The following CA8 variants were observed in gnomAD, a reference collection of about 807,000 sequenced individuals.
CA8 encodes carbonic anhydrase 8 (inactive).
In CA8, 22 loss-of-function variants were observed where a neutral mutation model predicts 41.4. The observed-to-expected ratio is 0.53, with a 90% CI of 0.38 to 0.76. The LOEUF (loss-of-function observed/expected upper bound fraction) is 0.76. CA8 is among the 30% of genes least tolerant of loss of function. The probability of loss-of-function intolerance (pLI) is 0.00; values close to 1 mark genes in which losing one functional copy is unlikely to be tolerated. For missense variants in CA8, 270 were observed against 352.8 expected, an observed-to-expected ratio of 0.77 and a Z score of 1.88; for synonymous variants, 121 against 130.6, an observed-to-expected ratio of 0.93 and a Z score of 0.50.
intron 2 of CA8, among the ~76,000 whole-genome samples, chr8:60,275,566 A>C (rs1804205860): frequency 6.6e-6 from 1 of 152,166 alleles, no homozygotes. Flanking sequence ...TAAACGATTA[A>C]AAATTGAGGA....
chr8:60,219,120 T>A (rs1190413004), intron 7 of CA8, among the ~76,000 whole-genome samples: 1 of 151,916 alleles, frequency 6.6e-6, no homozygotes, highest in African/African-American at 2.4e-5. Flanking sequence ...CTCTTCTCTG[T>A]ACATATTCTT....
intron 3 of CA8, among the ~76,000 whole-genome samples, chr8:60,239,493 A>G (rs1807943035): frequency 6.6e-6 from 1 of 152,234 alleles, no homozygotes; most frequent in South Asian, 2.1e-4. Context: ...GCTGATGAGA[A>G]AAAAACAATT....
At chr8:60,194,307 A>G (rs958446665) in intron 8 of CA8, among the ~76,000 whole-genome samples, 8 of 152,146 alleles carry the variant, frequency 5.3e-5, no homozygotes, top group Non-Finnish European at 1.0e-4. Context: ...CAACCACTAC[A>G]ACAAAACCAG....
At chr8:60,209,590 A>T (rs534282007) in intron 7 of CA8, among the ~76,000 whole-genome samples, 2 of 152,212 alleles carry the variant, frequency 1.3e-5, no homozygotes, top group Non-Finnish European at 2.9e-5. Context: ...TTCCAAGTAC[A>T]TTTTAATTAA....
chr8:60,186,415 ATAAT>A lies in CA8; in HGVS notation c.*3602_*3605del, dbSNP rs1231682116. ...AAATATACTCAAAAAAATGAAAAAA[ATAAT>A]TAAAGCAATTGAAATATACTAGAAA... On this transcript the variant is annotated 3_prime_UTR_variant, in exon 9 of 9. Coordinates refer to ENST00000317995, the MANE Select transcript of CA8 (RefSeq NM_004056.6). Among the ~76,000 whole-genome samples, 1 of 151,986 alleles carries A rather than the reference ATAAT, an allele frequency of 6.6e-6. No individual in the cohort carries two copies. The highest frequency in any genetic ancestry group is 2.4e-5 in the African/African-American group (1 of 41,458).
intron 7 of CA8, among the ~76,000 whole-genome samples, chr8:60,214,652 A>G (rs1035919384): frequency 6.6e-6 from 1 of 152,120 alleles, no homozygotes; most frequent in African/African-American, 2.4e-5. Flanking sequence ...GACTTCCTCA[A>G]TTGTCCAGGG....
chr8:60,266,106 A>T, intron 2 of CA8, 57 bp from the exon 3 acceptor site: 1 of 1,543,044 alleles, frequency 6.5e-7, no homozygotes, highest in Non-Finnish European at 8.7e-7. Context: ...CAGCATTATA[A>T]ACATTAGAGA....
intron 8 of CA8, among the ~76,000 whole-genome samples, chr8:60,192,937 GCACACACACA>G (rs377257462): frequency 1.6e-4 from 23 of 140,768 alleles, no homozygotes; most frequent in South Asian, 7.1e-4. Context: ...TCAACATCAT[GCACACACACA>G]CACACACACA....
Position 60,189,790 on chromosome 8 carries a change from A to G in CA8, c.*231T>C, listed in dbSNP as rs1188025976. 1 of 152,572 alleles carries G rather than the reference A, an allele frequency of 6.6e-6. No homozygotes were observed. The highest frequency in any genetic ancestry group is 1.5e-5 in the Non-Finnish European group (1 of 68,000). The allele number at this position is 152,572 out of a possible 1,614,324, so 9.5% of individuals were successfully genotyped here. On this transcript the variant is annotated 3_prime_UTR_variant, in exon 9 of 9. Coordinates refer to ENST00000317995, the MANE Select transcript of CA8 (RefSeq NM_004056.6). ...ATCCTAGCAGCAGTAATGTGGATAT[A>G]TAATATAGGGTTTCTTTGGAATATA...
intron 8 of CA8, among the ~76,000 whole-genome samples, chr8:60,192,475 CATAA>C (rs1054161942): frequency 3.3e-5 from 5 of 152,110 alleles, no homozygotes; most frequent in Admixed American, 1.3e-4. Context: ...TGTGCTCCAA[CATAA>C]ATGTGAAGTA....
At chr8:60,242,921 G>A (rs752458217) in intron 3 of CA8, among the ~76,000 whole-genome samples, 8 of 152,166 alleles carry the variant, frequency 5.3e-5, no homozygotes, top group Non-Finnish European at 8.8e-5. Flanking sequence ...TCATTATGCC[G>A]CTGAACTCAT....
At chr8:60,280,781 A>T (rs528552604) in intron 1 of CA8, among the ~76,000 whole-genome samples, 1 of 152,370 alleles carries the variant, frequency 6.6e-6, no homozygotes, top group South Asian at 2.1e-4. Context: ...CGCCCTCCGG[A>T]CCGCAGCAGG....
intron 2 of CA8, among the ~76,000 whole-genome samples, chr8:60,270,622 G>C (rs1337315652): frequency 2.6e-5 from 4 of 152,100 alleles, no homozygotes; most frequent in Non-Finnish European, 4.4e-5. Context: ...CACCATGTTG[G>C]CCAGACTGGT....
chr8:60,268,708 T>C (rs766100257), intron 2 of CA8, among the ~76,000 whole-genome samples: 4 of 152,216 alleles, frequency 2.6e-5, no homozygotes, highest in Non-Finnish European at 4.4e-5. Flanking sequence ...TTAGAATACA[T>C]TGATTTTGAC....
chr8:60,213,294 G>A (rs1423291242), intron 7 of CA8, among the ~76,000 whole-genome samples: 1 of 152,222 alleles, frequency 6.6e-6, no homozygotes, highest in African/African-American at 2.4e-5. Context: ...AGGAGCCTCA[G>A]CCTTGGCCGT....
rs1805978937 is a variant in CA8 at position 60,186,811 on chromosome 8, AAAG to A, written c.*3207_*3209del. Among the ~76,000 whole-genome samples, 1 of 152,098 alleles carries A rather than the reference AAAG, an allele frequency of 6.6e-6. No homozygotes were observed. Among genetic ancestry groups the A allele is most frequent in the Non-Finnish European group, 1.5e-5 (1 of 67,930 alleles). On this transcript the variant is annotated 3_prime_UTR_variant, in exon 9 of 9. Coordinates refer to ENST00000317995, the MANE Select transcript of CA8 (RefSeq NM_004056.6). ...AAAATAAAAAAATGTTACTAGAGATAAAGAAGGACAAAAGTCCCAAAATGAATG... is the reference window on the plus strand; with the variant it reads ...AAAATAAAAAAATGTTACTAGAGATAAAGGACAAAAGTCCCAAAATGAATG...
intron 8 of CA8, among the ~76,000 whole-genome samples, chr8:60,191,076 T>G (rs983759017): frequency 6.6e-6 from 1 of 151,766 alleles, no homozygotes; most frequent in South Asian, 2.1e-4. Flanking sequence ...ATTTCCAAAC[T>G]ATATATTTTT....
intron 7 of CA8, 68 bp downstream of exon 7, chr8:60,222,581 T>C (rs2130466936): frequency 9.9e-7 from 1 of 1,012,788 alleles, no homozygotes; most frequent in Non-Finnish European, 1.6e-6. Context: ...AAAACAGACA[T>C]TTTCCTTTCT....
At chr8:60,235,450 T>C (rs79492798) in intron 3 of CA8, among the ~76,000 whole-genome samples, 3,693 of 152,278 alleles carry the variant, frequency 0.024, 148 homozygotes, top group African/African-American at 0.084. Flanking sequence ...TCAACATGAA[T>C]TTGGCAGGGA....
Sources: gnomAD v4.1 joint callset for allele counts (sites outside exome capture counted in the v4.1 genomes callset) on GRCh38, gnomAD v4.1.1 for gene constraint, MANE v1.5 for transcripts, NCBI Gene and HGNC (gene_info 2026-07-23, HGNC 2026-07-21) for gene names.